Variants in HNRNPM observed in about 807,000 individuals in gnomAD.
The protein encoded by HNRNPM is CEA receptor.
In HNRNPM, 11 loss-of-function variants were observed where a neutral mutation model predicts 73.1. The ratio of observed to expected loss-of-function variants is 0.15; its 90% CI spans 0.09 to 0.25. HNRNPM has a LOEUF of 0.25. HNRNPM is among the 10% of genes least tolerant of loss of function. The pLI is 1.00. For missense variants in HNRNPM, 789 were observed against 1,067.9 expected, an observed-to-expected ratio of 0.74 and a Z score of 3.64; for synonymous variants, 407 against 355.2, an observed-to-expected ratio of 1.15 and a Z score of -1.64.
rs1969737194 is a variant in HNRNPM at position 8,466,259 on chromosome 19, A to G, written c.655A>G (p.Lys219Glu). Reference protein sequence around the residue: ...ANLDYKVGWKKLKEVFSMAGV... With the variant: ...ANLDYKVGWKELKEVFSMAGV... ...GCTGGATTATAAAGTTGGCTGGAAG[A>G]AACTGAAGGAAGTATTTAGTATGGC... Residue 219 changes from lysine (K) to glutamate (E), a missense_variant, in exon 7 of 16, where the codon AAA (lysine) becomes GAA (glutamate). Physicochemically the swap from Lys to Glu is moderately conservative, Grantham distance 56. Transcript: ENST00000325495. 1 of 1,613,656 alleles carries G rather than the reference A, an allele frequency of 6.2e-7. No individual in the cohort carries two copies. Among genetic ancestry groups the G allele is most frequent in the African/African-American group, 1.3e-5 (1 of 74,932 alleles).
At chr19:8,472,344 A>T (rs968529593) in intron 10 of HNRNPM, among the ~76,000 whole-genome samples, 24 of 152,102 alleles carry the variant, frequency 1.6e-4, no homozygotes, top group Admixed American at 1.3e-4. Flanking sequence ...TGAAATTGGA[A>T]TATGGAAGCC....
chr19:8,469,254 G>A (rs1969969516), intron 9 of HNRNPM, among the ~76,000 whole-genome samples: 1 of 152,220 alleles, frequency 6.6e-6, no homozygotes, highest in Non-Finnish European at 1.5e-5. Context: ...ATGCTGCAGT[G>A]TGGATGAACC....
Position 8,483,221 on chromosome 19 carries a change from G to T in HNRNPM, c.1174+10G>T. The T allele has an allele frequency of 6.2e-7, 1 of 1,604,566 alleles. No homozygotes were observed. Among genetic ancestry groups the T allele is most frequent in the Non-Finnish European group, 8.5e-7 (1 of 1,171,502 alleles). On this transcript the variant is annotated intron_variant, in intron 13 of 15. Coordinates refer to ENST00000325495, the MANE Select transcript of HNRNPM (RefSeq NM_005968.5). ...GCAAAGCAGGGAGGAGGTAGGAACC[G>T]CTTAGTTTGATGTTTTGTTTTTTTA... is the stretch of plus-strand genomic sequence containing the variant.
chr19:8,452,732 G>A (rs1006252328), intron 1 of HNRNPM, among the ~76,000 whole-genome samples: 1 of 152,224 alleles, frequency 6.6e-6, no homozygotes, highest in Non-Finnish European at 1.5e-5. Context: ...GTTTTACCTT[G>A]TGTTGATTTG....
chr19:8,446,424 C>T lies in HNRNPM; in HGVS notation c.113+1313C>T, dbSNP rs553400205. 7.2e-5 allele frequency among the ~76,000 whole-genome samples: 11 copies of T among 152,218 alleles called. No individual in the cohort carries two copies. In the East Asian group the frequency reaches 2.1e-3, roughly 29 times the overall value. On this transcript the variant is annotated intron_variant, in intron 1 of 15. Transcript: ENST00000325495. The stretch of plus-strand genomic sequence containing the variant: ...GAGCACTTATATATTTAATTTTTTT[C>T]TTTGAGACAGGGTCTCCCTCTGTTA...
intron 10 of HNRNPM, among the ~76,000 whole-genome samples, chr19:8,473,266 C>T (rs1381390010): frequency 6.6e-6 from 1 of 151,924 alleles, no homozygotes; most frequent in East Asian, 1.9e-4. Flanking sequence ...ACACAAAAAC[C>T]CTGCCCGACT....
chr19:8,466,144 C>T (rs1969727587), intron 6 of HNRNPM, 91 bp from the exon 7 acceptor site: 2 of 1,275,012 alleles, frequency 1.6e-6, no homozygotes, highest in African/African-American at 1.5e-5. Flanking sequence ...ATACTTTTTT[C>T]CAACCAAAGC....
At chr19:8,468,095 T>C (rs1016452675) in intron 8 of HNRNPM, among the ~76,000 whole-genome samples, 1 of 152,242 alleles carries the variant, frequency 6.6e-6, no homozygotes, top group Non-Finnish European at 1.5e-5. Flanking sequence ...ATATTTTTCC[T>C]TTTGCACAGT....
intron 10 of HNRNPM, 151 bp from the exon 11 acceptor site, chr19:8,473,513 T>C (rs1599816822): frequency 1.6e-6 from 1 of 613,236 alleles, no homozygotes; most frequent in Non-Finnish European, 2.9e-6. Flanking sequence ...GTAAGGGCTT[T>C]TTTTCTTGCT....
chr19:8,461,285 T>G (rs1012228278), intron 2 of HNRNPM, among the ~76,000 whole-genome samples: 3 of 152,236 alleles, frequency 2.0e-5, no homozygotes, highest in Non-Finnish European at 4.4e-5. Flanking sequence ...TAATTTTACC[T>G]TGTTTTTCAT....
intron 12 of HNRNPM, among the ~76,000 whole-genome samples, chr19:8,480,209 CT>C (rs1052279439): frequency 6.7e-6 from 1 of 149,876 alleles, no homozygotes; most frequent in Admixed American, 6.6e-5. Flanking sequence ...AACCCCGTCT[CT>C]ACTAAAAATA....
chr19:8,458,202 C>G (rs558353579), intron 2 of HNRNPM, among the ~76,000 whole-genome samples: 7 of 152,300 alleles, frequency 4.6e-5, no homozygotes, highest in African/African-American at 1.7e-4. Flanking sequence ...TTCATACCAG[C>G]TGCATATTCT....
At chr19:8,469,656 A>G (rs1242644885) in intron 9 of HNRNPM, among the ~76,000 whole-genome samples, 1 of 152,248 alleles carries the variant, frequency 6.6e-6, no homozygotes, top group Non-Finnish European at 1.5e-5. Flanking sequence ...GGCTGGAAGC[A>G]AGAACCTCAG....
Position 8,487,041 on chromosome 19 carries a change from A to G in HNRNPM, c.1995A>G (p.Thr665=), listed in dbSNP as rs377569869. 3.5e-5 allele frequency: 57 copies of G among 1,613,740 alleles called. No individual in the cohort carries two copies. The highest frequency in any genetic ancestry group is 4.6e-5 in the Non-Finnish European group (54 of 1,179,744). ...CCCTTCAGCTGCCATTCGATTTCAC[A>G]TGGAAGATGCTAAAGGACAAATTCA... ...IFVRNLPFDF[T]WKMLKDKFNE... is the part of the protein sequence containing the mutation. The change falls in exon 15 of 16, where the codon ACA becomes ACG. Residue 665 remains threonine, a synonymous_variant. Coordinates refer to ENST00000325495, the MANE Select transcript of HNRNPM (RefSeq NM_005968.5).
intron 12 of HNRNPM, among the ~76,000 whole-genome samples, chr19:8,479,703 C>T (rs1225411728): frequency 6.6e-6 from 1 of 150,648 alleles, no homozygotes; most frequent in East Asian, 1.9e-4. Context: ...CTTGGCCTCC[C>T]AAGGTGCTGG....
intron 1 of HNRNPM, among the ~76,000 whole-genome samples, chr19:8,448,025 TCAAA>T (rs369080671): frequency 2.1e-4 from 32 of 152,116 alleles, no homozygotes; most frequent in African/African-American, 1.7e-4. Flanking sequence ...TACTCCTTCT[TCAAA>T]CAAACAAACA....
rs199889335 is a variant in HNRNPM at position 8,483,147 on chromosome 19, G to C, written c.1121-11G>C. 206 of 1,596,412 alleles carry C rather than the reference G, an allele frequency of 1.3e-4. No homozygotes were observed. In the Middle Eastern group the frequency reaches 5.1e-3, roughly 40 times the overall value. On this transcript the variant is annotated splice_polypyrimidine_tract_variant and intron_variant, in intron 12 of 15. Transcript: ENST00000325495. ...ATTTGGCTAATTTTTTTTTCTTCCT[G>C]ATTTCCTTAGAAATCCTAAGTAATG...
At chr19:8,472,853 A>ATT in intron 10 of HNRNPM, among the ~76,000 whole-genome samples, 1 of 152,336 alleles carries the variant, frequency 6.6e-6, no homozygotes, top group Middle Eastern at 3.4e-3. Flanking sequence ...AAGTGCTGGG[A>ATT]TTACAGGCGT....
chr19:8,487,521 A>C (rs561584897), intron 15 of HNRNPM: 4 of 183,378 alleles, frequency 2.2e-5, no homozygotes, highest in African/African-American at 4.7e-5. Context: ...AGCTCCTGTG[A>C]GGGTGAGGCT....
Sources: allele counts gnomAD v4.1 joint callset (sites outside exome capture counted in the v4.1 genomes callset), GRCh38; gene constraint gnomAD v4.1.1; transcripts MANE v1.5; gene names NCBI Gene and HGNC (gene_info 2026-07-23, HGNC 2026-07-21).